Variants in HORMAD2 observed in about 807,000 individuals in gnomAD.
The protein encoded by HORMAD2 is HORMA domain containing 2.
HORMAD2 carries 45 observed loss-of-function variants against 38.8 expected under a neutral mutation model. The ratio of observed to expected loss-of-function variants is 1.16; its 90% CI spans 0.91 to 1.49. HORMAD2 has a LOEUF of 1.49. Among genes scored for constraint, HORMAD2 ranks in the 40% most tolerant of loss-of-function variants. The pLI is 0.00. For missense variants in HORMAD2, 338 were observed against 367.0 expected (o/e 0.92, Z 0.65); for synonymous variants, 126 against 122.8 (o/e 1.03, Z -0.17).
At chr22:30,203,043 T>G in the HORMAD2 span, among the ~76,000 whole-genome samples, 4 of 152,084 alleles carry the variant, frequency 2.6e-5, no homozygotes, top group Non-Finnish European at 5.9e-5. Flanking sequence ...GTTCAGTCTT[T>G]CAGAAAAAGG....
chr22:30,173,923 C>A (rs1316984712), intron 10 of HORMAD2, among the ~76,000 whole-genome samples: 1 of 152,104 alleles, frequency 6.6e-6, no homozygotes, highest in Non-Finnish European at 1.5e-5. Context: ...ATACTGCTAC[C>A]AAATCAGCTG....
intron 8 of HORMAD2, among the ~76,000 whole-genome samples, chr22:30,121,268 A>G (rs1922407677): frequency 6.6e-6 from 1 of 152,200 alleles, no homozygotes; most frequent in Non-Finnish European, 1.5e-5. Flanking sequence ...GAGCTAACTG[A>G]CCTAGAGTGT....
chr22:30,098,296 C>T (rs1920923832), intron 2 of HORMAD2, among the ~76,000 whole-genome samples: 1 of 151,834 alleles, frequency 6.6e-6, no homozygotes, highest in African/African-American at 2.4e-5. Flanking sequence ...TGGGGGATAA[C>T]CAATATTTAA....
At chr22:30,081,256 GA>G (rs1287973310) in intron 1 of HORMAD2, 1 of 152,156 alleles carries the variant, frequency 6.6e-6, no homozygotes, top group African/African-American at 2.4e-5. Flanking sequence ...TCAATCTGTT[GA>G]GGTAGGAACA....
intron 7 of HORMAD2, among the ~76,000 whole-genome samples, chr22:30,114,164 G>A (rs1193786269): frequency 1.3e-5 from 2 of 152,140 alleles, no homozygotes; most frequent in Non-Finnish European, 2.9e-5. Context: ...ATGAAGTTAG[G>A]AAACAAAAGC....
chr22:30,077,844 A>C (rs1601483974), upstream of HORMAD2, among the ~76,000 whole-genome samples: 2 of 152,322 alleles, frequency 1.3e-5, no homozygotes, highest in African/African-American at 4.8e-5. Flanking sequence ...TAATTATCTA[A>C]TGTTGTTCCT....
chr22:30,153,520 T>G (rs1345628241), intron 10 of HORMAD2, among the ~76,000 whole-genome samples: 4 of 152,190 alleles, frequency 2.6e-5, no homozygotes, highest in Non-Finnish European at 5.9e-5. Context: ...AGTTCATTTC[T>G]TCCCCCATAT....
chr22:30,126,508 T>C (rs1003508093), intron 10 of HORMAD2, among the ~76,000 whole-genome samples: 1 of 152,152 alleles, frequency 6.6e-6, no homozygotes, highest in Non-Finnish European at 1.5e-5. Flanking sequence ...GTTGTGAGAT[T>C]TACCCATATT....
At chr22:30,111,667 C>T (rs1254420188) in intron 5 of HORMAD2, 129 bp from the exon 6 acceptor site, 7 of 659,620 alleles carry the variant, frequency 1.1e-5, no homozygotes, top group African/African-American at 7.6e-5. Context: ...TTCTGGCCTT[C>T]TGGATATTTT....
chr22:30,173,548 G>A (rs990933017), intron 10 of HORMAD2, among the ~76,000 whole-genome samples: 5 of 152,228 alleles, frequency 3.3e-5, no homozygotes, highest in Middle Eastern at 3.2e-3. Flanking sequence ...TGAGAACGAA[G>A]ATTGGGAACA....
intron 3 of HORMAD2, 40 bp from the exon 4 acceptor site, chr22:30,103,397 A>C (rs780027234): frequency 7.1e-6 from 8 of 1,120,496 alleles, no homozygotes; most frequent in Non-Finnish European, 1.1e-5. Context: ...TACAGCAGTC[A>C]TTTAGTAGAT....
At position 30,094,950 on chromosome 22, in the gene HORMAD2, G is replaced by C. The variant is rs545907969; in HGVS notation, c.51+947G>C. Among the ~76,000 whole-genome samples, 7 of 152,222 alleles carry C rather than the reference G, an allele frequency of 4.6e-5. No individual in the cohort carries two copies. In the South Asian group the frequency reaches 1.5e-3, roughly 32 times the overall value. Reference sequence around the variant, plus strand: ...TCTTTTTCTGGGGATCCAGGATCTAGTATAAAAATGAGACCCTTAATTTTG... The same window carrying C: ...TCTTTTTCTGGGGATCCAGGATCTACTATAAAAATGAGACCCTTAATTTTG... On this transcript the variant is annotated intron_variant, in intron 2 of 10. Coordinates refer to ENST00000336726, the MANE Select transcript of HORMAD2 (RefSeq NM_152510.4).
At chr22:30,137,244 A>G in intron 10 of HORMAD2, 1 of 579,676 alleles carries the variant, frequency 1.7e-6, no homozygotes, top group Non-Finnish European at 3.3e-6. Flanking sequence ...CATTCTGCAC[A>G]TCAGACAAAC....
chr22:30,123,476 A>G (rs1175768138), intron 10 of HORMAD2, among the ~76,000 whole-genome samples: 2 of 152,014 alleles, frequency 1.3e-5, no homozygotes, highest in Admixed American at 6.6e-5. Flanking sequence ...CTATAGGCAC[A>G]TGCCACCACA....
At chr22:30,088,023 A>G (rs1432688013) in intron 1 of HORMAD2, among the ~76,000 whole-genome samples, 1 of 113,016 alleles carries the variant, frequency 8.8e-6, no homozygotes, top group Non-Finnish European at 1.7e-5. Flanking sequence ...ATACATATAC[A>G]GATCTGTATA....
At chr22:30,101,555 C>A (rs1920945202) in intron 3 of HORMAD2, among the ~76,000 whole-genome samples, 1 of 150,964 alleles carries the variant, frequency 6.6e-6, no homozygotes, top group Non-Finnish European at 1.5e-5. Context: ...CAAACCTGCA[C>A]TTTCTGCACA....
chr22:30,140,307 TGA>T (rs1387937843), intron 10 of HORMAD2, among the ~76,000 whole-genome samples: 2 of 152,078 alleles, frequency 1.3e-5, no homozygotes, highest in Non-Finnish European at 2.9e-5. Context: ...AGAAATGAAT[TGA>T]AAAGTTTTTA....
At chr22:30,117,741 T>G (rs1922151500) in intron 7 of HORMAD2, among the ~76,000 whole-genome samples, 1 of 152,204 alleles carries the variant, frequency 6.6e-6, no homozygotes, top group African/African-American at 2.4e-5. Flanking sequence ...ACTCCTGACC[T>G]CAGGTGATCT....
intron 10 of HORMAD2, among the ~76,000 whole-genome samples, chr22:30,169,768 C>T (rs1925999404): frequency 6.6e-6 from 1 of 152,154 alleles, no homozygotes; most frequent in Non-Finnish European, 1.5e-5. Flanking sequence ...CATTTTCCCA[C>T]CTCTCACTCC....
Sources: gnomAD v4.1 joint callset for allele counts (sites outside exome capture counted in the v4.1 genomes callset) on GRCh38, gnomAD v4.1.1 for gene constraint, MANE v1.5 for transcripts, NCBI Gene and HGNC (gene_info 2026-07-23, HGNC 2026-07-21) for gene names.